NANS: variants seen among roughly 807,000 people sequenced by gnomAD.
NANS encodes the protein N-acetylneuraminate-9-phosphate synthase.
Under a neutral mutation model 33.3 loss-of-function variants are expected in NANS, and 29 were observed. That is an observed-to-expected ratio of 0.87 (90% CI 0.65 to 1.19). The LOEUF is 1.19. NANS is among the 50% of genes most tolerant of loss of function. The pLI, the probability that NANS is intolerant of heterozygous loss-of-function variation, is 0.00. For synonymous variants in NANS, 163 were observed against 177.2 expected (o/e 0.92, Z 0.64); for missense variants, 394 against 461.1 (o/e 0.85, Z 1.33).
At chr9:98,068,987 A>G (rs1443662444) in intron 2 of NANS, among the ~76,000 whole-genome samples, 1 of 152,222 alleles carries the variant, frequency 6.6e-6, no homozygotes, top group African/African-American at 2.4e-5. Flanking sequence ...ATTGGGACAT[A>G]ATTCATATAC....
At chr9:98,075,058 C>G (rs1228893710) in intron 2 of NANS, 1 of 151,970 alleles carries the variant, frequency 6.6e-6, no homozygotes, top group Non-Finnish European at 1.5e-5. Context: ...GCAACCCCAG[C>G]ACTGTGGGAG....
In NANS at chr9:98,060,840, G is replaced by A. The variant is rs145469363; in HGVS notation, c.191G>A (p.Arg64Gln). 1.9e-5 allele frequency: 30 copies of A among 1,614,012 alleles called. No homozygotes were observed. The highest frequency in any genetic ancestry group is 1.6e-4 in the Middle Eastern group (1 of 6,084). ...AGTGAGCTAGAATTCAAGTTTAATC[G>A]GAAAGCCTTGGAGAGGCCATACACC... The part of the protein sequence containing the change: ...QKSELEFKFN[R>Q]KALERPYTSK... Residue 64 changes from arginine (R) to glutamine (Q), a missense_variant, in exon 2 of 6, where the codon CGG (arginine) becomes CAG (glutamine). Arg to Gln is a conservative substitution (Grantham distance 43, BLOSUM62 1). Coordinates refer to ENST00000210444, the MANE Select transcript of NANS (RefSeq NM_018946.4).
chr9:98,082,702 T>G, intron 5 of NANS, 144 bp from the exon 6 acceptor site: 2 of 661,508 alleles, frequency 3.0e-6, no homozygotes, highest in Non-Finnish European at 5.2e-6. Flanking sequence ...GTATGAGATA[T>G]TCTGAGCAGT....
At chr9:98,075,092 G>C (rs1000260111) in intron 2 of NANS, 5 of 151,728 alleles carry the variant, frequency 3.3e-5, no homozygotes, top group African/African-American at 1.2e-4. Flanking sequence ...AACTGCTTGA[G>C]GTCAGGAGTT....
In NANS at chr9:98,056,752, C is replaced by T. The variant is rs1044556329; in HGVS notation, c.-57C>T. Reference sequence around the variant, plus strand: ...TGCTCACAGAACAGAGTAGAGGCGGCGGCGGCGGCGGCCGGACCCAGACTG... The same window carrying T: ...TGCTCACAGAACAGAGTAGAGGCGGTGGCGGCGGCGGCCGGACCCAGACTG... On this transcript the variant is annotated 5_prime_UTR_variant, in exon 1 of 6. Coordinates refer to ENST00000210444, the MANE Select transcript of NANS (RefSeq NM_018946.4). 5.7e-5 allele frequency: 89 copies of T among 1,573,804 alleles called. No individual in the cohort carries two copies. Among genetic ancestry groups the T allele is most frequent in the Non-Finnish European group, 7.6e-5 (88 of 1,163,452 alleles).
intron 4 of NANS, among the ~76,000 whole-genome samples, chr9:98,079,111 G>A (rs1829732363): frequency 1.3e-5 from 2 of 152,192 alleles, no homozygotes; most frequent in South Asian, 4.1e-4. Context: ...TGCCTACTCA[G>A]TCATTTCACA....
intron 3 of NANS, 92 bp downstream of exon 3, chr9:98,077,109 T>C: frequency 1.1e-6 from 1 of 930,558 alleles, no homozygotes; most frequent in Admixed American, 2.8e-5. Context: ...GCAGATTTCA[T>C]GAAGACAAAT....
chr9:98,070,541 C>T (rs1211982245), intron 2 of NANS, among the ~76,000 whole-genome samples: 1 of 152,114 alleles, frequency 6.6e-6, no homozygotes, highest in Non-Finnish European at 1.5e-5. Flanking sequence ...GTGCCTCAGC[C>T]TCCTGAGTAG....
chr9:98,065,915 A>G (rs576627199), intron 2 of NANS, among the ~76,000 whole-genome samples: 44 of 152,214 alleles, frequency 2.9e-4, no homozygotes, highest in African/African-American at 1.0e-3. Context: ...GCCCCCCACC[A>G]TGATTCTGAG....
At chr9:98,066,499 A>G (rs1470394769) in intron 2 of NANS, among the ~76,000 whole-genome samples, 1 of 152,188 alleles carries the variant, frequency 6.6e-6, no homozygotes, top group Non-Finnish European at 1.5e-5. Flanking sequence ...AATCGAGGGT[A>G]CAATTCAGTG....
Position 98,060,995 on chromosome 9 carries a change from G to A in NANS, c.346G>A (p.Glu116Lys), listed in dbSNP as rs1828958111. ...GIFFTASGMD[E>K]MAVEFLHELN... ...CTTCTTCACTGCCTCTGGCATGGATGAGGTGAGTCCTCTGCTGCTCTGTCA... is the reference window on the plus strand; with the variant it reads ...CTTCTTCACTGCCTCTGGCATGGATAAGGTGAGTCCTCTGCTGCTCTGTCA... The change falls in exon 2 of 6, where the codon GAG becomes AAG. Residue 116 changes from glutamate to lysine, a missense_variant and splice_region_variant. Transcript: ENST00000210444. The A allele has an allele frequency of 6.2e-7, 1 of 1,613,306 alleles. No homozygotes were observed. The highest frequency in any genetic ancestry group is 8.5e-7 in the Non-Finnish European group (1 of 1,180,000).
chr9:98,060,259 T>C (rs529957713), intron 1 of NANS, among the ~76,000 whole-genome samples: 29 of 151,602 alleles, frequency 1.9e-4, no homozygotes, highest in Admixed American at 1.8e-3. Flanking sequence ...GAGAAAAAAA[T>C]AGGGGGAGGT....
chr9:98,073,124 TCC>T (rs1247249301), intron 2 of NANS, among the ~76,000 whole-genome samples: 1 of 152,072 alleles, frequency 6.6e-6, no homozygotes, highest in Non-Finnish European at 1.5e-5. Context: ...ACAGTGGCCA[TCC>T]CAGCAAAGCC....
Position 98,080,873 on chromosome 9 carries a change from A to G in NANS, c.661A>G (p.Ile221Val), listed in dbSNP as rs776576962. The change falls in exon 5 of 6, where the codon ATA becomes GTA. Residue 221 changes from isoleucine to valine, a missense_variant. Coordinates refer to ENST00000210444, the MANE Select transcript of NANS (RefSeq NM_018946.4). The stretch of plus-strand genomic sequence containing the variant: ...AGGGTATTCTGGGCATGAAACAGGC[A>G]TAGCGATATCTGTGGCCGCAGTGGC... ...PIGYSGHETG[I>V]AISVAAVALG... The G allele has an allele frequency of 6.2e-7, 1 of 1,613,928 alleles. No homozygotes were observed. Among genetic ancestry groups the G allele is most frequent in the Non-Finnish European group, 8.5e-7 (1 of 1,179,820 alleles).
chr9:98,066,259 G>A (rs571238638), intron 2 of NANS, among the ~76,000 whole-genome samples: 1 of 152,270 alleles, frequency 6.6e-6, no homozygotes, highest in Admixed American at 6.5e-5. Context: ...GGAACCCCTG[G>A]GGGATTCATG....
intron 1 of NANS, among the ~76,000 whole-genome samples, chr9:98,058,436 A>G (rs1828888619): frequency 6.6e-6 from 1 of 152,194 alleles, no homozygotes; most frequent in Non-Finnish European, 1.5e-5. Context: ...GACTTAGGCA[A>G]GGTCACATAG....
chr9:98,072,277 G>A (rs1320515806), intron 2 of NANS, among the ~76,000 whole-genome samples: 2 of 152,224 alleles, frequency 1.3e-5, no homozygotes, highest in African/African-American at 4.8e-5. Flanking sequence ...AGCGATGGCT[G>A]TTCTGTGACT....
intron 2 of NANS, among the ~76,000 whole-genome samples, chr9:98,065,476 C>T (rs999214062): frequency 1.4e-4 from 17 of 123,522 alleles, no homozygotes; most frequent in South Asian, 3.1e-4. Flanking sequence ...ACCACCATGC[C>T]CAGCTAATTT....
chr9:98,064,363 C>T (rs772388420), intron 2 of NANS, among the ~76,000 whole-genome samples: 2 of 152,060 alleles, frequency 1.3e-5, no homozygotes, highest in Non-Finnish European at 2.9e-5. Flanking sequence ...AAGTTATTCT[C>T]GTGCCTCAGC....
Sources: gnomAD v4.1 joint callset for allele counts (sites outside exome capture counted in the v4.1 genomes callset) on GRCh38, gnomAD v4.1.1 for gene constraint, MANE v1.5 for transcripts, NCBI Gene and HGNC (gene_info 2026-07-23, HGNC 2026-07-21) for gene names.